Variants in PHACTR2 observed in about 807,000 individuals in gnomAD.
PHACTR2 encodes the protein chromosome 6 open reading frame 56.
In PHACTR2, 30 loss-of-function variants were observed where a neutral mutation model predicts 76.0. The observed-to-expected ratio is 0.39, with a 90% CI of 0.30 to 0.54. The LOEUF (loss-of-function observed/expected upper bound fraction) is 0.54, where lower values mean the gene tolerates loss of function less well. Ranked by LOEUF, PHACTR2 falls within the 20% of genes least tolerant of loss-of-function variation. The pLI is 0.61. For missense variants in PHACTR2, 696 were observed against 781.1 expected (o/e 0.89, Z 1.30); for synonymous variants, 292 against 292.5 (o/e 1.00, Z 0.02).
intron 11 of PHACTR2, among the ~76,000 whole-genome samples, chr6:143,798,360 T>C (rs1046405232): frequency 6.6e-6 from 1 of 152,206 alleles, no homozygotes; most frequent in African/African-American, 2.4e-5. Flanking sequence ...ATAATTGGAC[T>C]TCCTCTCTTC....
At position 143,817,463 on chromosome 6, in the gene PHACTR2, G is replaced by A. The variant is rs115874324; in HGVS notation, c.1923-6211G>A. Among the ~76,000 whole-genome samples the A allele has an allele frequency of 6.5e-3, 987 of 152,278 alleles. 13 individuals carry two copies. Among genetic ancestry groups the A allele is most frequent in the African/African-American group, 0.021 (874 of 41,558 alleles). On this transcript the variant is annotated intron_variant, in intron 12 of 12. Transcript: ENST00000440869. ...TTTCTGGAGTATGGACAATGCTGGT[G>A]TGCCCTGCTCAGAGGGAGATGCTGC... is the stretch of plus-strand genomic sequence containing the variant.
At chr6:143,790,585 A>G (rs975541986) in intron 11 of PHACTR2, among the ~76,000 whole-genome samples, 2 of 151,284 alleles carry the variant, frequency 1.3e-5, no homozygotes, top group African/African-American at 4.9e-5. Context: ...CCTTTTGCCC[A>G]TTTTCTTTTG....
chr6:143,551,178 C>T (rs369697213), intron 1 of PHACTR2, among the ~76,000 whole-genome samples: 1 of 152,002 alleles, frequency 6.6e-6, no homozygotes, highest in African/African-American at 2.4e-5. Context: ...AGCAGTCCCC[C>T]CTTATCTATG....
At chr6:143,601,506 T>A (rs1444743156) in intron 1 of PHACTR2, among the ~76,000 whole-genome samples, 2 of 152,242 alleles carry the variant, frequency 1.3e-5, no homozygotes. Flanking sequence ...CTCATTTAGA[T>A]GTCAGAATTT....
chr6:143,595,970 C>G lies in PHACTR2; in HGVS notation c.217+58763C>G, dbSNP rs991942161. 4.6e-5 allele frequency among the ~76,000 whole-genome samples: 7 copies of G among 152,126 alleles called. No homozygotes were observed. Among genetic ancestry groups the G allele is most frequent in the Admixed American group, 6.6e-5 (1 of 15,262 alleles). On this transcript the variant is annotated intron_variant, in intron 1 of 11. Coordinates refer to the PHACTR2 transcript ENST00000367584. The surrounding 1 kb of genome is among the most constrained non-coding windows in gnomAD (Gnocchi z 4.2). Reference sequence around the variant, plus strand: ...CTTTTTAGTTTTTCTATGGTTCAAACTATTTCTCGTATAAGCACTATCTAC... The same window carrying G: ...CTTTTTAGTTTTTCTATGGTTCAAAGTATTTCTCGTATAAGCACTATCTAC...
chr6:143,624,797 G>A lies in PHACTR2; in HGVS notation c.13+16475G>A, dbSNP rs909315733. Among the ~76,000 whole-genome samples the A allele has an allele frequency of 6.6e-6, 1 of 152,040 alleles. No individual in the cohort carries two copies. Among genetic ancestry groups the A allele is most frequent in the Non-Finnish European group, 1.5e-5 (1 of 68,030 alleles). Reference sequence around the variant, plus strand: ...GGATGGTAAAGCTGCGTTTGTCATTGTGCCTACAAGCTGAGTACAGTGTCA... The same window carrying A: ...GGATGGTAAAGCTGCGTTTGTCATTATGCCTACAAGCTGAGTACAGTGTCA... On this transcript the variant is annotated intron_variant, in intron 1 of 11. Transcript: ENST00000305766. This position sits in a 1 kb window ranked among gnomAD's most constrained non-coding sequence, Gnocchi z 4.6.
At position 143,680,966 on chromosome 6, in the gene PHACTR2, C is replaced by A. The variant is rs1177667665; in HGVS notation, c.46+2757C>A. Among the ~76,000 whole-genome samples, 1 of 152,188 alleles carries A rather than the reference C, an allele frequency of 6.6e-6. No individual in the cohort carries two copies. Among genetic ancestry groups the A allele is most frequent in the Non-Finnish European group, 1.5e-5 (1 of 68,018 alleles). ...TTTCTTTTTATTGCCAAATAATATT[C>A]TACTGTATGAATATGCCACATTTTA... On this transcript the variant is annotated intron_variant, in intron 1 of 12. Coordinates refer to ENST00000440869, the MANE Select transcript of PHACTR2 (RefSeq NM_001100164.2). The surrounding 1 kb of genome is among the most constrained non-coding windows in gnomAD (Gnocchi z 4.5).
intron 11 of PHACTR2, among the ~76,000 whole-genome samples, chr6:143,790,888 A>G (rs1442621011): frequency 6.6e-6 from 1 of 152,192 alleles, no homozygotes; most frequent in Non-Finnish European, 1.5e-5. Flanking sequence ...CGTGTTAGCC[A>G]GGATGGTCTC....
chr6:143,646,914 T>C lies in PHACTR2; in HGVS notation c.13+38592T>C, dbSNP rs1335903630. 6.6e-6 allele frequency among the ~76,000 whole-genome samples: 1 copy of C among 152,246 alleles called. No homozygotes were observed. The highest frequency in any genetic ancestry group is 6.5e-5 in the Admixed American group (1 of 15,286). On this transcript the variant is annotated intron_variant, in intron 1 of 11. Coordinates refer to the PHACTR2 transcript ENST00000305766. This position sits in a 1 kb window ranked among gnomAD's most constrained non-coding sequence, Gnocchi z 4.1. ...TTGTTGTTCTAACATAACAGTCTTC[T>C]GATCACGATGATTCTCTATAATCAA...
chr6:143,651,349 C>T (rs1582736933), intron 1 of PHACTR2, among the ~76,000 whole-genome samples: 4 of 151,996 alleles, frequency 2.6e-5, no homozygotes, highest in Admixed American at 2.6e-4. Flanking sequence ...GGTGTATACC[C>T]AAAGAAATGT....
chr6:143,744,214 G>A (rs935788171), intron 2 of PHACTR2, among the ~76,000 whole-genome samples: 4 of 152,198 alleles, frequency 2.6e-5, no homozygotes, highest in African/African-American at 9.7e-5. Flanking sequence ...AAGAATTAAG[G>A]AGGGAGAAGA....
At chr6:143,544,634 A>T (rs1258765816) in intron 1 of PHACTR2, among the ~76,000 whole-genome samples, 2 of 152,218 alleles carry the variant, frequency 1.3e-5, no homozygotes, top group Non-Finnish European at 2.9e-5. Flanking sequence ...GCATGCTTCC[A>T]TTGTAAGGCT....
rs969325737 is a variant in PHACTR2 at position 143,678,112 on chromosome 6, G to A, written c.-52G>A. The stretch of plus-strand genomic sequence containing the variant: ...TCTGGCTGGGAGCGGACCCATGATC[G>A]AAGGACCAAAGGAGCCGCTTGATCG... On this transcript the variant is annotated 5_prime_UTR_variant, in exon 1 of 13. Coordinates refer to ENST00000440869, the MANE Select transcript of PHACTR2 (RefSeq NM_001100164.2). This position sits in a 1 kb window ranked among gnomAD's most constrained non-coding sequence, Gnocchi z 6.2. The A allele has an allele frequency of 8.4e-6, 13 of 1,545,646 alleles. No individual in the cohort carries two copies. Among genetic ancestry groups the A allele is most frequent in the Non-Finnish European group, 1.1e-5 (13 of 1,144,822 alleles).
chr6:143,799,918 T>A (rs1301473407), intron 11 of PHACTR2, among the ~76,000 whole-genome samples: 1 of 152,212 alleles, frequency 6.6e-6, no homozygotes, highest in Non-Finnish European at 1.5e-5. Flanking sequence ...AGAGCTGAGT[T>A]CAAGTCCTGG....
In PHACTR2 at chr6:143,720,728, C is replaced by T. The variant is rs1194195968; in HGVS notation, c.214+8545C>T. 2.6e-5 allele frequency among the ~76,000 whole-genome samples: 4 copies of T among 152,240 alleles called. No homozygotes were observed. In the East Asian group the frequency reaches 7.7e-4, roughly 29 times the overall value. On this transcript the variant is annotated intron_variant, in intron 2 of 12. Transcript: ENST00000440869. ...CTGGGCTCAAGCAATCCTCCCACCT[C>T]AAGTCCCCTGAGTCATTGGGACCAC...
rs1485790944 is a variant in PHACTR2, at chr6:143,698,337, C to T, written c.47-13679C>T. ...AACTATGTTAGAAAAAGTATAAAATCAATGCTAAAGGCATCATTATTATAA... is the reference window on the plus strand; with the variant it reads ...AACTATGTTAGAAAAAGTATAAAATTAATGCTAAAGGCATCATTATTATAA... On this transcript the variant is annotated intron_variant, in intron 1 of 12. Coordinates refer to ENST00000440869, the MANE Select transcript of PHACTR2 (RefSeq NM_001100164.2). The surrounding 1 kb of genome is among the most constrained non-coding windows in gnomAD (Gnocchi z 4.3). Among the ~76,000 whole-genome samples, 1 of 152,086 alleles carries T rather than the reference C, an allele frequency of 6.6e-6. No individual in the cohort carries two copies. Among genetic ancestry groups the T allele is most frequent in the African/African-American group, 2.4e-5 (1 of 41,400 alleles).
rs1043660361 is a variant in PHACTR2 at position 143,539,403 on chromosome 6, A to G, written c.217+2196A>G. On this transcript the variant is annotated intron_variant, in intron 1 of 11. Transcript: ENST00000367584. This position sits in a 1 kb window ranked among gnomAD's most constrained non-coding sequence, Gnocchi z 4.3. Reference sequence around the variant, plus strand: ...ATGTGATCAGGAGCTCCCTGCTCTTAGAGTCAGAGAGAAAAAGAATGAGCA... The same window carrying G: ...ATGTGATCAGGAGCTCCCTGCTCTTGGAGTCAGAGAGAAAAAGAATGAGCA... Among the ~76,000 whole-genome samples, 1 of 152,220 alleles carries G rather than the reference A, an allele frequency of 6.6e-6. No homozygotes were observed.
rs12208670 is a variant in PHACTR2, at chr6:143,743,030, A to C, written c.215-5955A>C. On this transcript the variant is annotated intron_variant, in intron 2 of 12. Coordinates refer to ENST00000440869, the MANE Select transcript of PHACTR2 (RefSeq NM_001100164.2). This position sits in a 1 kb window ranked among gnomAD's most constrained non-coding sequence, Gnocchi z 5.0. Reference sequence around the variant, plus strand: ...CCAGGAAAGTAGTTGCTATCTCTCCATTTTGCAGATGAGGACGCTGAGGCA... The same window carrying C: ...CCAGGAAAGTAGTTGCTATCTCTCCCTTTTGCAGATGAGGACGCTGAGGCA... 0.3 allele frequency among the ~76,000 whole-genome samples: 45,016 copies of C among 152,142 alleles called. 7,670 individuals carry two copies. The highest frequency in any genetic ancestry group is 0.38 in the Non-Finnish European group (25,981 of 67,980).
At position 143,552,888 on chromosome 6, in the gene PHACTR2, G is replaced by GA. The variant is rs35606517; in HGVS notation, c.217+15701dup. Among the ~76,000 whole-genome samples the GA allele has an allele frequency of 1.5e-3, 172 of 116,682 alleles. 1 individual carries two copies. Among genetic ancestry groups the GA allele is most frequent in the Non-Finnish European group, 2.1e-3 (121 of 58,668 alleles). 76.5% of individuals were successfully genotyped at this position (116,682 alleles called of 152,430 possible). ...ACTGAGCAAGACTCCATCTCAAAAA[G>GA]AAAAAAAAAAAAAAAAAAAAGCAAA... On this transcript the variant is annotated intron_variant, in intron 1 of 11. Coordinates refer to the PHACTR2 transcript ENST00000367584.
Sources: gnomAD v4.1 joint callset for allele counts (sites outside exome capture counted in the v4.1 genomes callset) on GRCh38, gnomAD v4.1.1 for gene constraint, Gnocchi (gnomAD v3.1) non-coding constraint, MANE v1.5 for transcripts, NCBI Gene and HGNC (gene_info 2026-07-23, HGNC 2026-07-21) for gene names.